The following ADAMTSL1 variants were observed in gnomAD, a reference collection of about 807,000 sequenced individuals.
ADAMTSL1 encodes ADAMTS-like protein 1.
A neutral mutation model predicts 201.8 loss-of-function variants in ADAMTSL1; 126 were observed. The observed-to-expected ratio is 0.62, with a 90% CI of 0.54 to 0.72. The LOEUF is 0.72. Ranked by LOEUF, ADAMTSL1 falls within the 30% of genes least tolerant of loss-of-function variation. ADAMTSL1 has a pLI of 0.00. For missense variants in ADAMTSL1, 2,679 were observed against 2,277.8 expected, an observed-to-expected ratio of 1.18 and a Z score of -3.59; for synonymous variants, 1,121 against 903.4, an observed-to-expected ratio of 1.24 and a Z score of -4.32.
At chr9:18,747,501 T>C (rs1399150481) in intron 15 of ADAMTSL1, among the ~76,000 whole-genome samples, 2 of 152,024 alleles carry the variant, frequency 1.3e-5, no homozygotes, top group African/African-American at 2.4e-5. Flanking sequence ...TCTGGTGGCA[T>C]GGCATTGAGG....
At chr9:18,499,177 G>A (rs540766638) in intron 1 of ADAMTSL1, among the ~76,000 whole-genome samples, 15 of 152,352 alleles carry the variant, frequency 9.8e-5, no homozygotes, top group African/African-American at 3.6e-4. Flanking sequence ...TCCCAACAGT[G>A]CAGCTGTGAT....
intron 1 of ADAMTSL1, among the ~76,000 whole-genome samples, chr9:17,981,680 C>T (rs1818706564): frequency 6.6e-6 from 1 of 152,066 alleles, no homozygotes; most frequent in Non-Finnish European, 1.5e-5. Context: ...GTTTTTTGGC[C>T]CACTGAAGCT....
chr9:18,058,570 G>T (rs1475454940), intron 1 of ADAMTSL1, among the ~76,000 whole-genome samples: 1 of 151,914 alleles, frequency 6.6e-6, no homozygotes, highest in Non-Finnish European at 1.5e-5. Flanking sequence ...AGGATCTGGG[G>T]ATGAATGGAA....
At position 18,101,497 on chromosome 9, in the gene ADAMTSL1, C is replaced by CAA. The variant is rs397952890; in HGVS notation, c.88-62352_88-62351dup. Among the ~76,000 whole-genome samples the CAA allele has an allele frequency of 8.5e-4, 81 of 95,378 alleles. No individual in the cohort carries two copies. In the East Asian group the frequency reaches 0.013, roughly 16 times the overall value. The allele number at this position is 95,378 out of a possible 152,430, so 62.6% of individuals were successfully genotyped here. A position where few individuals can be genotyped will look rare whatever the true frequency, so the allele number is the denominator to read the frequency against. The stretch of plus-strand genomic sequence containing the variant: ...TGGGCAACAGGGTGAGACTCCGTCT[C>CAA]AAAAAAAAAAAAAAGAAAAGCAAGA... On this transcript the variant is annotated intron_variant, in intron 1 of 29. Coordinates refer to the ADAMTSL1 transcript ENST00000680146.
chr9:18,851,457 A>C (rs1302261824), intron 23 of ADAMTSL1, among the ~76,000 whole-genome samples: 8 of 152,200 alleles, frequency 5.3e-5, no homozygotes, highest in African/African-American at 1.7e-4. Context: ...TAGAGGAATT[A>C]ATTCATTCCA....
chr9:18,270,774 AT>A (rs1396887519), intron 2 of ADAMTSL1, among the ~76,000 whole-genome samples: 25 of 152,140 alleles, frequency 1.6e-4, no homozygotes, highest in Non-Finnish European at 2.8e-4. Context: ...CAAGGACCAC[AT>A]TTTTCAGCCT....
chr9:18,509,512 G>C (rs982800125), intron 2 of ADAMTSL1, among the ~76,000 whole-genome samples: 3 of 152,162 alleles, frequency 2.0e-5, no homozygotes, highest in South Asian at 4.1e-4. Context: ...GGACTTTGAT[G>C]GTCTTGATCA....
chr9:18,886,608 G>A (rs116516590), intron 23 of ADAMTSL1, among the ~76,000 whole-genome samples: 1,880 of 152,292 alleles, frequency 0.012, 49 homozygotes, highest in African/African-American at 0.043. Context: ...GTGAGGGCTT[G>A]CTGTCTGCTT....
intron 2 of ADAMTSL1, among the ~76,000 whole-genome samples, chr9:18,307,851 G>A (rs918638087): frequency 6.6e-6 from 1 of 152,134 alleles, no homozygotes; most frequent in Non-Finnish European, 1.5e-5. Flanking sequence ...GGACCTAATA[G>A]ACATCTATAG....
intron 1 of ADAMTSL1, among the ~76,000 whole-genome samples, chr9:18,049,426 A>T (rs1049752547): frequency 6.6e-6 from 1 of 152,152 alleles, no homozygotes; most frequent in Non-Finnish European, 1.5e-5. Context: ...TTAAACATTT[A>T]TAAAGGGTAA....
chr9:18,854,887 A>T (rs928265297), intron 23 of ADAMTSL1, among the ~76,000 whole-genome samples: 1 of 152,252 alleles, frequency 6.6e-6, no homozygotes, highest in African/African-American at 2.4e-5. Flanking sequence ...AAAGAAATAT[A>T]AAATTATTGA....
chr9:18,702,587 C>G (rs577148016), intron 13 of ADAMTSL1, among the ~76,000 whole-genome samples: 1 of 152,086 alleles, frequency 6.6e-6, no homozygotes, highest in South Asian at 2.1e-4. Flanking sequence ...AGAAGGCCAG[C>G]CAGAAGCATT....
rs1169338385 is a variant in ADAMTSL1, at chr9:17,909,593, C to A, written c.87+2671C>A. Among the ~76,000 whole-genome samples, 8 of 67,944 alleles carry A rather than the reference C, an allele frequency of 1.2e-4. 2 individuals carry two copies. Among genetic ancestry groups the A allele is most frequent in the African/African-American group, 2.4e-4 (8 of 33,684 alleles). 44.6% of individuals were successfully genotyped at this position (67,944 alleles called of 152,430 possible). A position where few individuals can be genotyped will look rare whatever the true frequency, so the allele number is the denominator to read the frequency against. On this transcript the variant is annotated intron_variant, in intron 1 of 29. Coordinates refer to the ADAMTSL1 transcript ENST00000680146. ...ACTTGGAACCAACCCAAATGTCCAA[C>A]AATGATAGACTGGATTAAGAAAATG... is the stretch of plus-strand genomic sequence containing the variant.
intron 3 of ADAMTSL1, among the ~76,000 whole-genome samples, chr9:18,536,043 A>G (rs1030430832): frequency 6.6e-6 from 1 of 152,152 alleles, no homozygotes; most frequent in Non-Finnish European, 1.5e-5. Context: ...TTGATGCTGA[A>G]TTTTTTTAAT....
intron 15 of ADAMTSL1, among the ~76,000 whole-genome samples, chr9:18,742,097 A>T (rs1564196465): frequency 6.6e-6 from 1 of 152,176 alleles, no homozygotes. Context: ...TTTCATAAGG[A>T]TACCATTCCT....
At chr9:18,494,386 C>T (rs1380090050) in intron 1 of ADAMTSL1, among the ~76,000 whole-genome samples, 2 of 150,730 alleles carry the variant, frequency 1.3e-5, no homozygotes, top group Non-Finnish European at 2.9e-5. Context: ...GTGATTGATT[C>T]TACCTAGAGA....
At chr9:18,800,452 G>A (rs7048605) in intron 20 of ADAMTSL1, among the ~76,000 whole-genome samples, 4,224 of 146,758 alleles carry the variant, frequency 0.029, 185 homozygotes, top group African/African-American at 0.092. Flanking sequence ...TGGTAATAGC[G>A]ACTGACTGAT....
intron 2 of ADAMTSL1, among the ~76,000 whole-genome samples, chr9:18,524,236 CTGTT>C (rs1168993834): frequency 1.3e-5 from 2 of 152,208 alleles, no homozygotes; most frequent in African/African-American, 4.8e-5. Context: ...ATTTGGCTCT[CTGTT>C]TGTCTGTTAT....
Position 18,262,814 on chromosome 9 carries a change from G to A in ADAMTSL1, c.207+98833G>A, listed in dbSNP as rs558492297. ...AAGTAGGAGAGCAAGAGACTATATG[G>A]AATGTTCAAATGACAACAGAGAAAG... On this transcript the variant is annotated intron_variant, in intron 2 of 29. Transcript: ENST00000680146. Among the ~76,000 whole-genome samples, 358 of 152,304 alleles carry A rather than the reference G, an allele frequency of 2.4e-3. 1 individual carries two copies. Among genetic ancestry groups the A allele is most frequent in the Middle Eastern group, 6.8e-3 (2 of 294 alleles).
Sources: allele counts gnomAD v4.1 joint callset (sites outside exome capture counted in the v4.1 genomes callset), GRCh38; gene constraint gnomAD v4.1.1; transcripts MANE v1.5; gene names NCBI Gene and HGNC (gene_info 2026-07-23, HGNC 2026-07-21).